Variants in PCDHGB6 observed in about 807,000 individuals in gnomAD.
PCDHGB6 encodes the protein protocadherin gamma subfamily B, 6.
A neutral mutation model predicts 59.1 loss-of-function variants in PCDHGB6; 51 were observed. The ratio of observed to expected loss-of-function variants is 0.86; its 90% CI spans 0.69 to 1.09. The LOEUF is 1.09. PCDHGB6 is among the 50% of genes least tolerant of loss of function. PCDHGB6 has a pLI of 0.00. For missense variants in PCDHGB6, 1,148 were observed against 1,205.1 expected (o/e 0.95, Z 0.70); for synonymous variants, 466 against 495.1 (o/e 0.94, Z 0.78).
At position 141,465,659 on chromosome 5, in the gene PCDHGB6, T is replaced by C. The variant is rs184749770; in HGVS notation, c.2419-29148T>C. Among the ~76,000 whole-genome samples the C allele has an allele frequency of 3.5e-4, 53 of 152,318 alleles. 1 individual carries two copies. Among genetic ancestry groups the C allele is most frequent in the African/African-American group, 1.2e-3 (50 of 41,576 alleles). ...TGCTTTGAACATCCCAAAAAAGCGC[T>C]TGCCATGACATTTGCTCTTGACCAG... On this transcript the variant is annotated intron_variant, in intron 1 of 3. Transcript: ENST00000520790.
Position 141,490,532 on chromosome 5 carries a change from C to T in PCDHGB6, c.2419-4275C>T. Reference sequence around the variant, plus strand: ...GAGCTGCTGGCCAGCGATGCTGGTTCACCTTCCCTACACAAACATCTCACC... The same window carrying T: ...GAGCTGCTGGCCAGCGATGCTGGTTTACCTTCCCTACACAAACATCTCACC... On this transcript the variant is annotated intron_variant, in intron 1 of 3. Coordinates refer to ENST00000520790, the MANE Select transcript of PCDHGB6 (RefSeq NM_018926.3). This position sits in a 1 kb window ranked among gnomAD's most constrained non-coding sequence, Gnocchi z 5.4. 6.2e-7 allele frequency: 1 copy of T among 1,614,142 alleles called. No homozygotes were observed. Among genetic ancestry groups the T allele is most frequent in the Non-Finnish European group, 8.5e-7 (1 of 1,180,030 alleles).
At position 141,490,870 on chromosome 5, in the gene PCDHGB6, T is replaced by C; in HGVS notation, c.2419-3937T>C. Reference sequence around the variant, plus strand: ...GGTTCGAGACTCCGGCTCTCCCCCATTGCATGCCAACACATCTCTGCATGT... The same window carrying C: ...GGTTCGAGACTCCGGCTCTCCCCCACTGCATGCCAACACATCTCTGCATGT... On this transcript the variant is annotated intron_variant, in intron 1 of 3. Coordinates refer to ENST00000520790, the MANE Select transcript of PCDHGB6 (RefSeq NM_018926.3). The surrounding 1 kb of genome is among the most constrained non-coding windows in gnomAD (Gnocchi z 5.4). 6.2e-7 allele frequency: 1 copy of C among 1,613,888 alleles called. No homozygotes were observed. Among genetic ancestry groups the C allele is most frequent in the Non-Finnish European group, 8.5e-7 (1 of 1,179,932 alleles).
chr5:141,415,579 A>G, intron 1 of PCDHGB6: 1 of 1,614,072 alleles, frequency 6.2e-7, no homozygotes, highest in East Asian at 2.2e-5. Flanking sequence ...AGATGATTCG[A>G]AGTTTCCTAT....
chr5:141,421,572 G>T, intron 1 of PCDHGB6: 1 of 1,613,954 alleles, frequency 6.2e-7, no homozygotes, highest in Admixed American at 1.7e-5. Flanking sequence ...AAGACACCTT[G>T]AAGATTTACG....
chr5:141,441,836 C>T (rs1026890754), intron 1 of PCDHGB6: 2 of 354,006 alleles, frequency 5.6e-6, no homozygotes, highest in Non-Finnish European at 1.1e-5. Flanking sequence ...AATGGCTTCG[C>T]GCTCTTGGAT....
At chr5:141,482,667 G>C (rs2099569914) in intron 1 of PCDHGB6, among the ~76,000 whole-genome samples, 1 of 151,094 alleles carries the variant, frequency 6.6e-6, no homozygotes, top group Admixed American at 6.6e-5. Context: ...ATGATCTAAA[G>C]GTTGAGTAGT....
chr5:141,420,271 A>G, intron 1 of PCDHGB6: 1 of 1,536,584 alleles, frequency 6.5e-7, no homozygotes, highest in Non-Finnish European at 8.8e-7. Flanking sequence ...AGATTCTTAA[A>G]CAGGTAAGTA....
At chr5:141,415,151 C>G in intron 1 of PCDHGB6, 2 of 1,613,814 alleles carry the variant, frequency 1.2e-6, no homozygotes, top group Non-Finnish European at 1.7e-6. Flanking sequence ...CCCCCTCTCT[C>G]CGCCACTGTC....
chr5:141,504,836 C>A (rs550489904), intron 2 of PCDHGB6, among the ~76,000 whole-genome samples: 2 of 152,200 alleles, frequency 1.3e-5, no homozygotes, highest in East Asian at 3.9e-4. Context: ...TTTTCTCTAG[C>A]TCTGGAACAT....
chr5:141,415,811 A>G (rs2095960996), intron 1 of PCDHGB6: 5 of 1,340,748 alleles, frequency 3.7e-6, no homozygotes, highest in South Asian at 1.7e-5. Flanking sequence ...ATCAAGGCCT[A>G]TATATCATAA....
chr5:141,498,967 GGGAGGGAAGGAAGGAA>G (rs1333462541), intron 2 of PCDHGB6, among the ~76,000 whole-genome samples: 8 of 129,672 alleles, frequency 6.2e-5, no homozygotes, highest in East Asian at 2.2e-4. Context: ...GAGGGAGGGA[GGGAGGGAAGGAAGGAA>G]GGAAGGAAGG....
rs758132181 is a variant in PCDHGB6, at chr5:141,486,827, C to T, written c.2419-7980C>T. On this transcript the variant is annotated intron_variant, in intron 1 of 3. Coordinates refer to ENST00000520790, the MANE Select transcript of PCDHGB6 (RefSeq NM_018926.3). This position sits in a 1 kb window ranked among gnomAD's most constrained non-coding sequence, Gnocchi z 5.0. The stretch of plus-strand genomic sequence containing the variant: ...ACCCCTTAGCAGCACTGTAACAGTT[C>T]GTCTATTTGTGCTGGACCTCAATGA... 10 of 1,614,110 alleles carry T rather than the reference C, an allele frequency of 6.2e-6. No individual in the cohort carries two copies. The African/African-American group carries it at 8.0e-5, about 13-fold the overall frequency.
At position 141,485,671 on chromosome 5, in the gene PCDHGB6, G is replaced by T; in HGVS notation, c.2419-9136G>T. On this transcript the variant is annotated intron_variant, in intron 1 of 3. Coordinates refer to ENST00000520790, the MANE Select transcript of PCDHGB6 (RefSeq NM_018926.3). This position sits in a 1 kb window ranked among gnomAD's most constrained non-coding sequence, Gnocchi z 5.7. The stretch of plus-strand genomic sequence containing the variant: ...AGGATGCAGATGTGGGGAGCAATTC[G>T]ATTAGCAGCTATAGGCTGAGCTCCA... 6.2e-7 allele frequency: 1 copy of T among 1,612,860 alleles called. No homozygotes were observed. The highest frequency in any genetic ancestry group is 8.5e-7 in the Non-Finnish European group (1 of 1,179,040).
intron 1 of PCDHGB6, among the ~76,000 whole-genome samples, chr5:141,445,961 G>C (rs944876169): frequency 6.6e-6 from 1 of 152,158 alleles, no homozygotes; most frequent in Non-Finnish European, 1.5e-5. Flanking sequence ...GCTATATGGA[G>C]AATTGATTTA....
chr5:141,418,579 A>C, intron 1 of PCDHGB6: 1 of 1,614,000 alleles, frequency 6.2e-7, no homozygotes. Context: ...ACAACCCCCC[A>C]GTGTTCAGCC....
At chr5:141,497,129 T>G (rs528066007) in intron 2 of PCDHGB6, among the ~76,000 whole-genome samples, 1 of 151,692 alleles carries the variant, frequency 6.6e-6, no homozygotes, top group Admixed American at 6.6e-5. Flanking sequence ...GAGGTTGCAG[T>G]GAGCTGAGAT....
chr5:141,510,853 CTGT>C, intron 3 of PCDHGB6, 91 bp from the exon 4 acceptor site: 3 of 1,601,238 alleles, frequency 1.9e-6, no homozygotes, highest in Middle Eastern at 1.7e-4. Context: ...GCCCAGGGTG[CTGT>C]ATAGGCATTC....
chr5:141,430,910 G>C, intron 1 of PCDHGB6: 2 of 1,608,040 alleles, frequency 1.2e-6, no homozygotes, highest in South Asian at 1.1e-5. Context: ...CATCTCCAGG[G>C]ACCTGGGGCT....
At chr5:141,427,396 A>G (rs1303085720) in intron 1 of PCDHGB6, 1 of 460,578 alleles carries the variant, frequency 2.2e-6, no homozygotes, top group Non-Finnish European at 4.4e-6. Context: ...AAAACACATG[A>G]TAAAGATTCG....
Sources: allele counts gnomAD v4.1 joint callset (sites outside exome capture counted in the v4.1 genomes callset), GRCh38; gene constraint gnomAD v4.1.1; non-coding constraint Gnocchi (gnomAD v3.1); transcripts MANE v1.5; gene names NCBI Gene and HGNC (gene_info 2026-07-23, HGNC 2026-07-21).